Variants in KHK observed in about 807,000 individuals in gnomAD.
KHK encodes the protein fructokinase.
A neutral mutation model predicts 36.0 loss-of-function variants in KHK; 37 were observed. The ratio of observed to expected loss-of-function variants is 1.03; its 90% CI spans 0.79 to 1.35. The LOEUF (loss-of-function observed/expected upper bound fraction) is 1.35, where lower values mean the gene tolerates loss of function less well. KHK is among the 40% of genes most tolerant of loss of function. KHK has a pLI of 0.00. For missense variants in KHK, 395 were observed against 391.9 expected, an observed-to-expected ratio of 1.01 and a Z score of -0.07; for synonymous variants, 161 against 162.8, an observed-to-expected ratio of 0.99 and a Z score of 0.08.
At position 27,100,734 on chromosome 2, in the gene KHK, A is replaced by C. The variant is rs1670773295; in HGVS notation, c.*984A>C. ...TTATTGTGAGGATAAAATCATATAT[A>C]AAATGCCCAGCATGATGCCTGATGT... On this transcript the variant is annotated 3_prime_UTR_variant, in exon 8 of 8. Transcript: ENST00000260598. 2.6e-6 allele frequency: 3 copies of C among 1,144,244 alleles called. No individual in the cohort carries two copies. In the South Asian group the frequency reaches 4.8e-5, roughly 18 times the overall value. 70.9% of individuals were successfully genotyped at this position (1,144,244 alleles called of 1,614,324 possible). A position where few individuals can be genotyped will look rare whatever the true frequency, so the allele number is the denominator to read the frequency against.
chr2:27,096,865 CT>C (rs774000765), intron 4 of KHK, 64 bp downstream of exon 4: 41 of 1,211,768 alleles, frequency 3.4e-5, no homozygotes, highest in Non-Finnish European at 4.9e-5. Flanking sequence ...CATGTTCTGC[CT>C]CCTTGGTTTC....
rs903764895 is a variant in KHK at position 27,094,296 on chromosome 2, G to A, written c.210-504G>A. 11 of 726,110 alleles carry A rather than the reference G, an allele frequency of 1.5e-5. No homozygotes were observed. In the African/African-American group the frequency reaches 1.7e-4, roughly 11 times the overall value. The allele number at this position is 726,110 out of a possible 1,614,324, so 45.0% of individuals were successfully genotyped here. On this transcript the variant is annotated intron_variant, in intron 2 of 7. Transcript: ENST00000260598. The stretch of plus-strand genomic sequence containing the variant: ...TTTCTCTCTCTGAGCTCCAGGCTCT[G>A]CACTCCTGCATCTCCTGCCCTGTTG...
At chr2:27,088,163 C>CAGTG (rs1304501075) in intron 1 of KHK, 1 of 129,394 alleles carries the variant, frequency 7.7e-6, no homozygotes, top group Non-Finnish European at 1.5e-5. Flanking sequence ...GGCTGGAGTG[C>CAGTG]AGTGGTGCAA....
chr2:27,094,197 CA>C, intron 2 of KHK: 1 of 507,028 alleles, frequency 2.0e-6, no homozygotes, highest in Non-Finnish European at 3.6e-6. Flanking sequence ...TCCTTTCCAG[CA>C]TGAGTTGGAC....
chr2:27,099,175 C>G lies in KHK; in HGVS notation c.565-21C>G, dbSNP rs761879121. ...ATGACGAGTTAGAAGTGACCACCAG[C>G]TTCTCTTCCACTGCCCACAGGTGTT... On this transcript the variant is annotated intron_variant, in intron 5 of 7. Transcript: ENST00000260598. 5.6e-6 allele frequency: 9 copies of G among 1,612,792 alleles called. No individual in the cohort carries two copies. The African/African-American group carries it at 9.3e-5, about 17-fold the overall frequency.
At chr2:27,097,751 T>C in intron 5 of KHK, 102 bp downstream of exon 5, 1 of 1,523,124 alleles carries the variant, frequency 6.6e-7, no homozygotes, top group South Asian at 1.1e-5. Flanking sequence ...GAATAGTGGT[T>C]CCTGGTTTGG....
chr2:27,094,615 T>G (rs1670221621), intron 2 of KHK, 185 bp from the exon 3 acceptor site: 1 of 1,614,126 alleles, frequency 6.2e-7, no homozygotes, highest in Non-Finnish European at 8.5e-7. Context: ...ATGACAGGTT[T>G]GTACAACTGT....
chr2:27,095,097 A>G (rs570655235), intron 3 of KHK, among the ~76,000 whole-genome samples, 163 bp downstream of exon 3: 2 of 152,312 alleles, frequency 1.3e-5, no homozygotes, highest in South Asian at 4.1e-4. Context: ...ATTGCTTTCA[A>G]TTAGGGGAAA....
intron 5 of KHK, among the ~76,000 whole-genome samples, chr2:27,098,272 G>A (rs1670525249): frequency 6.6e-6 from 1 of 151,992 alleles, no homozygotes; most frequent in Non-Finnish European, 1.5e-5. Flanking sequence ...TGTAATCCCA[G>A]AGCTTTGGGA....
chr2:27,092,353 G>T lies in KHK; in HGVS notation c.114G>T (p.Gln38His). The change falls in exon 2 of 8, where the codon CAG becomes CAT. Residue 38 changes from glutamine (Q) to histidine (H), a missense_variant. Physicochemically the swap from Gln to His is conservative, Grantham distance 24. Coordinates refer to ENST00000260598, the MANE Select transcript of KHK (RefSeq NM_006488.3). ...GCAGGTGTTTGTCCCAGAGATGGCA[G>T]CGCGGAGGCAACGCGTCCAACTCCT... ...SEIRCLSQRW[Q>H]RGGNASNSCT... The T allele has an allele frequency of 6.2e-7, 1 of 1,613,224 alleles. No homozygotes were observed. The highest frequency in any genetic ancestry group is 8.5e-7 in the Non-Finnish European group (1 of 1,179,998).
chr2:27,098,917 G>A, intron 5 of KHK: 11 of 431,802 alleles, frequency 2.5e-5, no homozygotes, highest in South Asian at 2.2e-4. Flanking sequence ...ATATGCTTCT[G>A]GCCAGGTGCA....
Position 27,100,742 on chromosome 2 carries a change from C to T in KHK, c.*992C>T. ...AGGATAAAATCATATATAAAATGCC[C>T]AGCATGATGCCTGATGTGTACAAGG... On this transcript the variant is annotated 3_prime_UTR_variant, in exon 8 of 8. Coordinates refer to ENST00000260598, the MANE Select transcript of KHK (RefSeq NM_006488.3). 1.6e-5 allele frequency: 18 copies of T among 1,153,380 alleles called. No homozygotes were observed. Among genetic ancestry groups the T allele is most frequent in the Non-Finnish European group, 1.9e-5 (17 of 911,744 alleles). The allele number at this position is 1,153,380 out of a possible 1,614,324, so 71.4% of individuals were successfully genotyped here.
chr2:27,088,435 CAG>C (rs1250494840), intron 1 of KHK, among the ~76,000 whole-genome samples: 3 of 151,764 alleles, frequency 2.0e-5, no homozygotes, highest in Admixed American at 6.6e-5. Context: ...CTTTTTGAGA[CAG>C]AGTCTCGCTC....
chr2:27,094,250 C>G, intron 2 of KHK: 1 of 603,070 alleles, frequency 1.7e-6, no homozygotes, highest in Non-Finnish European at 3.0e-6. Flanking sequence ...CAGCCAAGAC[C>G]TAAAAGGATG....
chr2:27,099,139 G>T, intron 5 of KHK, 57 bp from the exon 6 acceptor site: 3 of 1,508,054 alleles, frequency 2.0e-6, no homozygotes, highest in Non-Finnish European at 2.8e-6. Context: ...ACGCTAGGCT[G>T]CTGTTGGTGA....
In KHK at chr2:27,099,225, C is replaced by G; in HGVS notation, c.594C>G (p.His198Gln). 6.2e-7 allele frequency: 1 copy of G among 1,614,116 alleles called. No individual in the cohort carries two copies. Among genetic ancestry groups the G allele is most frequent in the Middle Eastern group, 1.6e-4 (1 of 6,062 alleles). ...VVFVSKDVAK[H>Q]LGFQSAEEAL... Reference sequence around the variant, plus strand: ...TTGTCAGCAAAGATGTGGCCAAGCACTTGGGGTTCCAGTCAGCAGAGGAAG... The same window carrying G: ...TTGTCAGCAAAGATGTGGCCAAGCAGTTGGGGTTCCAGTCAGCAGAGGAAG... The change falls in exon 6 of 8, where the codon CAC (histidine) becomes CAG (glutamine). Residue 198 changes from histidine (H) to glutamine (Q), a missense_variant. Coordinates refer to ENST00000260598, the MANE Select transcript of KHK (RefSeq NM_006488.3).
At position 27,094,808 on chromosome 2, in the gene KHK, T is replaced by C. The variant is rs922525069; in HGVS notation, c.218T>C (p.Val73Ala). 8 of 1,613,954 alleles carry C rather than the reference T, an allele frequency of 5.0e-6. No homozygotes were observed. The African/African-American group carries it at 1.1e-4, about 22-fold the overall frequency. ...CCGGCCTCCACCCTAAGCTTCCTGG[T>C]GGCCGACTTCAGGCGGCGGGGCGTG... ...MAPGHVADFL[V>A]ADFRRRGVDV... Residue 73 changes from valine (V) to alanine (A), a missense_variant, in exon 3 of 8, where the codon GTG becomes GCG. By Grantham distance (64) the Val-to-Ala change is moderately conservative (BLOSUM62 0). Transcript: ENST00000260598.
In KHK at chr2:27,087,729, A is replaced by G. The variant is rs1249568632; in HGVS notation, c.92+378A>G. ...CTGTTTCTTTTTAAACCCCAAGCCT[A>G]TGCACTTGCCTCTCATCAACATTTA... On this transcript the variant is annotated intron_variant, in intron 1 of 7. Transcript: ENST00000260598. Among the ~76,000 whole-genome samples the G allele has an allele frequency of 7.2e-5, 11 of 152,330 alleles. No individual in the cohort carries two copies. The East Asian group carries it at 1.9e-3, about 27-fold the overall frequency.
intron 1 of KHK, chr2:27,088,071 C>G (rs1342786057): frequency 1.4e-5 from 2 of 145,158 alleles, no homozygotes; most frequent in African/African-American, 5.1e-5. Flanking sequence ...CAGTTGTCTG[C>G]TAGAAACTGA....
Sources: allele counts gnomAD v4.1 joint callset (sites outside exome capture counted in the v4.1 genomes callset), GRCh38; gene constraint gnomAD v4.1.1; transcripts MANE v1.5; gene names NCBI Gene and HGNC (gene_info 2026-07-23, HGNC 2026-07-21).